LINGO2: variants seen among roughly 807,000 people sequenced by gnomAD.
LINGO2 encodes the protein leucine-rich repeat and immunoglobulin-like domain-containing nogo receptor-interacting protein 2.
Under a neutral mutation model 30.6 loss-of-function variants are expected in LINGO2, and 14 were observed. That is an observed-to-expected ratio of 0.46 (90% CI 0.30 to 0.72). The LOEUF (loss-of-function observed/expected upper bound fraction) is 0.72, where lower values mean the gene tolerates loss of function less well. Among genes scored for constraint, LINGO2 ranks in the 30% least tolerant of loss-of-function variants. The pLI is 0.07. For synonymous variants in LINGO2, 317 were observed against 288.5 expected (o/e 1.10, Z -1.00); for missense variants, 729 against 751.7 (o/e 0.97, Z 0.35).
chr9:28,457,706 T>C lies in LINGO2; in HGVS notation c.-279+18234A>G, dbSNP rs116963118. Among the ~76,000 whole-genome samples the C allele has an allele frequency of 5.5e-3, 839 of 152,258 alleles. 5 individuals carry two copies. Among genetic ancestry groups the C allele is most frequent in the South Asian group, 0.013 (61 of 4,822 alleles). On this transcript the variant is annotated intron_variant, in intron 2 of 5. Transcript: ENST00000379992. ...TCAGCCTCCCAAGTAGCTGGAATTATAGGTATGAGTCACTGTGCTGCATGG... is the reference window on the plus strand; with the variant it reads ...TCAGCCTCCCAAGTAGCTGGAATTACAGGTATGAGTCACTGTGCTGCATGG...
At chr9:28,423,858 A>G (rs962373871) in intron 2 of LINGO2, among the ~76,000 whole-genome samples, 6 of 152,102 alleles carry the variant, frequency 3.9e-5, no homozygotes, top group African/African-American at 1.4e-4. Flanking sequence ...AGAATGATGG[A>G]GTGTTTTAAA....
At chr9:28,375,877 T>C (rs1821110402) in intron 2 of LINGO2, among the ~76,000 whole-genome samples, 1 of 152,074 alleles carries the variant, frequency 6.6e-6, no homozygotes, top group African/African-American at 2.4e-5. Flanking sequence ...GGGGACACAG[T>C]ACGAATCTCA....
intron 4 of LINGO2, among the ~76,000 whole-genome samples, chr9:28,190,096 G>A (rs901609494): frequency 3.9e-5 from 6 of 152,052 alleles, no homozygotes; most frequent in Non-Finnish European, 5.9e-5. Flanking sequence ...ATATTTTGAC[G>A]TGGTATGGCC....
chr9:28,137,458 A>C (rs1462994194), intron 4 of LINGO2, among the ~76,000 whole-genome samples: 3 of 152,192 alleles, frequency 2.0e-5, no homozygotes, highest in Non-Finnish European at 4.4e-5. Context: ...CTAGGAAATT[A>C]ATCTGGCAAG....
At chr9:28,725,630 G>A in the LINGO2 span, among the ~76,000 whole-genome samples, 1 of 149,648 alleles carries the variant, frequency 6.7e-6, no homozygotes, top group South Asian at 2.1e-4. Flanking sequence ...ATAACCACTG[G>A]TTTGCAAAGA....
chr9:28,178,222 C>A (rs992207244), intron 4 of LINGO2, among the ~76,000 whole-genome samples: 4 of 152,088 alleles, frequency 2.6e-5, no homozygotes, highest in African/African-American at 9.7e-5. Flanking sequence ...ATACCCGCAG[C>A]TCCCACAGTG....
chr9:28,239,890 G>T (rs1342265986), intron 4 of LINGO2, among the ~76,000 whole-genome samples: 1 of 152,028 alleles, frequency 6.6e-6, no homozygotes, highest in Non-Finnish European at 1.5e-5. Context: ...AAAACCAAAA[G>T]ATTCTACAAG....
chr9:28,608,501 G>A (rs966576452), intron 1 of LINGO2, among the ~76,000 whole-genome samples: 2 of 151,816 alleles, frequency 1.3e-5, no homozygotes, highest in African/African-American at 4.8e-5. Context: ...CATTCATACC[G>A]GTTATTATGT....
the LINGO2 span, among the ~76,000 whole-genome samples, chr9:28,938,308 C>A: frequency 6.6e-6 from 1 of 152,166 alleles, no homozygotes; most frequent in Non-Finnish European, 1.5e-5. Context: ...CTCTATAGAA[C>A]ATGCTTTCTC....
At chr9:28,973,362 C>T in the LINGO2 span, among the ~76,000 whole-genome samples, 1 of 152,118 alleles carries the variant, frequency 6.6e-6, no homozygotes, top group Non-Finnish European at 1.5e-5. Flanking sequence ...ACCTTACATG[C>T]CAGGAGAGAG....
At chr9:29,124,018 A>G in the LINGO2 span, among the ~76,000 whole-genome samples, 5 of 152,328 alleles carry the variant, frequency 3.3e-5, no homozygotes, top group Non-Finnish European at 5.9e-5. Context: ...CTATACTACA[A>G]GGCTATAGTA....
intron 1 of LINGO2, among the ~76,000 whole-genome samples, chr9:28,606,991 T>C (rs1400653317): frequency 6.6e-6 from 1 of 152,082 alleles, no homozygotes; most frequent in Non-Finnish European, 1.5e-5. Flanking sequence ...CAGTGAATAA[T>C]TAGAATACAT....
intron 4 of LINGO2, among the ~76,000 whole-genome samples, chr9:28,143,911 T>G (rs771216758): frequency 2.0e-5 from 3 of 152,174 alleles, no homozygotes; most frequent in Non-Finnish European, 4.4e-5. Context: ...TTATATTTAT[T>G]TTTATAAAAA....
chr9:29,169,256 C>G, the LINGO2 span, among the ~76,000 whole-genome samples: 1 of 152,054 alleles, frequency 6.6e-6, no homozygotes, highest in South Asian at 2.1e-4. Flanking sequence ...CCCCAAAACT[C>G]TGTTTCAAAA....
chr9:29,078,151 A>G, the LINGO2 span, among the ~76,000 whole-genome samples: 1 of 152,118 alleles, frequency 6.6e-6, no homozygotes, highest in African/African-American at 2.4e-5. Flanking sequence ...AGCAAAGAAG[A>G]AAATGTAAAA....
chr9:28,467,609 A>G (rs1825366359), intron 2 of LINGO2, among the ~76,000 whole-genome samples: 1 of 152,170 alleles, frequency 6.6e-6, no homozygotes, highest in Non-Finnish European at 1.5e-5. Flanking sequence ...ACTGATTAAA[A>G]CTAGAAAACT....
intron 3 of LINGO2, among the ~76,000 whole-genome samples, chr9:28,341,650 T>TG: frequency 6.6e-6 from 1 of 152,270 alleles, no homozygotes; most frequent in East Asian, 1.9e-4. Context: ...ATTAAGCTTA[T>TG]GAAACTTTAC....
Position 27,968,212 on chromosome 9 carries a change from A to C in LINGO2, c.-35-17506T>G, listed in dbSNP as rs1309341192. ...GAAACTCTGTCCAGTAAACAAATTA[A>C]TTATATTGACTTTCCCAAATTGGAA... On this transcript the variant is annotated intron_variant, in intron 5 of 5. Coordinates refer to ENST00000379992, the Ensembl canonical transcript of LINGO2. Among the ~76,000 whole-genome samples, 3 of 152,144 alleles carry C rather than the reference A, an allele frequency of 2.0e-5. No individual in the cohort carries two copies. In the East Asian group the frequency reaches 5.8e-4, roughly 29 times the overall value.
At chr9:28,243,890 C>A (rs1821901821) in intron 4 of LINGO2, among the ~76,000 whole-genome samples, 1 of 152,098 alleles carries the variant, frequency 6.6e-6, no homozygotes. Context: ...GACTATAACA[C>A]CCCACTGGCA....
Sources: allele counts gnomAD v4.1 joint callset (sites outside exome capture counted in the v4.1 genomes callset), GRCh38; gene constraint gnomAD v4.1.1; transcripts MANE v1.5; gene names NCBI Gene and HGNC (gene_info 2026-07-23, HGNC 2026-07-21).